The following OTUD7A variants were observed in gnomAD, a reference collection of about 807,000 sequenced individuals.
OTUD7A encodes OTU deubiquitinase 7A.
OTUD7A carries 12 observed loss-of-function variants against 65.7 expected under a neutral mutation model. The observed-to-expected ratio is 0.18, with a 90% CI of 0.12 to 0.30. The LOEUF (loss-of-function observed/expected upper bound fraction) is 0.30, where lower values mean the gene tolerates loss of function less well. Among genes scored for constraint, OTUD7A ranks in the 10% least tolerant of loss-of-function variants. The probability of loss-of-function intolerance (pLI) is 1.00; values close to 1 mark genes in which losing one functional copy is unlikely to be tolerated. For missense variants in OTUD7A, 1,148 were observed against 1,304.8 expected (o/e 0.88, Z 1.85); for synonymous variants, 641 against 586.3 (o/e 1.09, Z -1.35).
intron 1 of OTUD7A, among the ~76,000 whole-genome samples, chr15:31,777,316 G>A (rs763230713): frequency 7.2e-5 from 11 of 152,172 alleles, no homozygotes; most frequent in Middle Eastern, 3.2e-3. Flanking sequence ...CATCACCTTG[G>A]GGGTTAGGTT....
chr15:31,802,103 ATGTGTGTGTGTG>A (rs1255794707), intron 1 of OTUD7A, among the ~76,000 whole-genome samples: 3 of 35,492 alleles, frequency 8.5e-5, no homozygotes, highest in Admixed American at 4.8e-4. Flanking sequence ...GTGTGTATAT[ATGTGTGTGTGTG>A]TGTGTGTGTG....
intron 3 of OTUD7A, chr15:31,649,890 TCCCTTCCTCCA>T: frequency 3.7e-6 from 1 of 273,066 alleles, no homozygotes; most frequent in Non-Finnish European, 8.3e-6. Context: ...GCGAGACACT[TCCCTTCCTCCA>T]GTCTCCCCAG....
At chr15:31,736,890 T>C (rs1166555203) in intron 1 of OTUD7A, among the ~76,000 whole-genome samples, 1 of 152,114 alleles carries the variant, frequency 6.6e-6, no homozygotes, top group Non-Finnish European at 1.5e-5. Context: ...GGCACAATCT[T>C]GGCTCACTAC....
intron 1 of OTUD7A, among the ~76,000 whole-genome samples, chr15:31,663,879 C>T (rs1372958647): frequency 1.3e-5 from 2 of 151,998 alleles, no homozygotes; most frequent in African/African-American, 2.4e-5. Context: ...TATGCCTTTG[C>T]GTCCTCATAG....
At chr15:31,755,005 G>C (rs1313213572) in intron 1 of OTUD7A, among the ~76,000 whole-genome samples, 2 of 149,168 alleles carry the variant, frequency 1.3e-5, no homozygotes, top group East Asian at 3.9e-4. Context: ...GAGAGAGACA[G>C]AGAGAGAGAG....
At chr15:31,611,340 A>C (rs1890414731) in intron 3 of OTUD7A, among the ~76,000 whole-genome samples, 1 of 152,216 alleles carries the variant, frequency 6.6e-6, no homozygotes, top group Non-Finnish European at 1.5e-5. Flanking sequence ...ACAAACAAAC[A>C]AACAAATACA....
intron 5 of OTUD7A, among the ~76,000 whole-genome samples, chr15:31,548,232 C>G (rs937766812): frequency 1.4e-5 from 2 of 140,132 alleles, no homozygotes; most frequent in Non-Finnish European, 3.2e-5. Context: ...GGGCCACCCC[C>G]CTTCACTTTG....
intron 3 of OTUD7A, among the ~76,000 whole-genome samples, chr15:31,652,673 A>T (rs1891875700): frequency 6.6e-6 from 1 of 151,776 alleles, no homozygotes; most frequent in Non-Finnish European, 1.5e-5. Flanking sequence ...AAGCCTGAAC[A>T]GACATTTCAC....
intron 8 of OTUD7A, among the ~76,000 whole-genome samples, chr15:31,510,428 A>G (rs1595567698): frequency 1.4e-5 from 2 of 147,354 alleles, no homozygotes; most frequent in South Asian, 4.2e-4. Context: ...AGTGGAGCTT[A>G]GTCTTTTTTT....
chr15:31,587,420 G>A (rs150560458), intron 3 of OTUD7A, among the ~76,000 whole-genome samples: 7 of 151,908 alleles, frequency 4.6e-5, no homozygotes, highest in African/African-American at 7.2e-5. Context: ...GGTGGATCAC[G>A]AGGTCAGGAG....
chr15:31,648,904 G>A (rs1461643061), intron 3 of OTUD7A, among the ~76,000 whole-genome samples: 2 of 152,138 alleles, frequency 1.3e-5, no homozygotes, highest in Non-Finnish European at 2.9e-5. Flanking sequence ...GGGATTACAG[G>A]TGTATGCCAC....
At chr15:31,755,075 G>A (rs1465161830) in intron 1 of OTUD7A, among the ~76,000 whole-genome samples, 1 of 151,632 alleles carries the variant, frequency 6.6e-6, no homozygotes, top group East Asian at 1.9e-4. Context: ...GTGTGTGTGT[G>A]TGTGTGAAAG....
chr15:31,525,718 T>A (rs949113875), intron 8 of OTUD7A, among the ~76,000 whole-genome samples: 1 of 152,258 alleles, frequency 6.6e-6, no homozygotes, highest in African/African-American at 2.4e-5. Flanking sequence ...GCCAAGGCTC[T>A]ATGGCTGCCC....
intron 1 of OTUD7A, among the ~76,000 whole-genome samples, chr15:31,681,413 C>A (rs1438086560): frequency 6.6e-6 from 1 of 152,010 alleles, no homozygotes; most frequent in Admixed American, 6.6e-5. Context: ...TATATGACCA[C>A]CTGTCTGTCT....
At chr15:31,587,970 C>T (rs2141193365) in intron 3 of OTUD7A, among the ~76,000 whole-genome samples, 1 of 152,108 alleles carries the variant, frequency 6.6e-6, no homozygotes, top group East Asian at 1.9e-4. Flanking sequence ...TCTCCCTGAC[C>T]TTTTTATCTA....
At chr15:31,627,088 C>A (rs1393094023) in intron 3 of OTUD7A, among the ~76,000 whole-genome samples, 3 of 151,726 alleles carry the variant, frequency 2.0e-5, no homozygotes, top group Admixed American at 6.6e-5. Context: ...ATGGCAACTT[C>A]TTTTATTATT....
chr15:31,623,620 A>G (rs1890866921), intron 3 of OTUD7A, among the ~76,000 whole-genome samples: 1 of 152,206 alleles, frequency 6.6e-6, no homozygotes, highest in Admixed American at 6.5e-5. Context: ...GGAAAAGCGC[A>G]GTATTAGGGT....
chr15:31,585,633 G>A (rs1889510167), intron 3 of OTUD7A, among the ~76,000 whole-genome samples: 1 of 152,188 alleles, frequency 6.6e-6, no homozygotes, highest in Non-Finnish European at 1.5e-5. Flanking sequence ...TACCCTTCCA[G>A]CTGGGGTGCA....
At chr15:31,731,915 T>G (rs754767851) in intron 1 of OTUD7A, among the ~76,000 whole-genome samples, 5 of 152,084 alleles carry the variant, frequency 3.3e-5, no homozygotes, top group Non-Finnish European at 7.4e-5. Flanking sequence ...TTATCCTCAA[T>G]GAAAAAATAT....
Sources: gnomAD v4.1 joint callset for allele counts (sites outside exome capture counted in the v4.1 genomes callset) on GRCh38, gnomAD v4.1.1 for gene constraint, MANE v1.5 for transcripts, NCBI Gene and HGNC (gene_info 2026-07-23, HGNC 2026-07-21) for gene names.